EDIL3: variants seen among roughly 807,000 people sequenced by gnomAD.
EDIL3 encodes EGF like and discoidin domains 3, also known as EGF-like repeat and discoidin I-like domain-containing protein 3.
A neutral mutation model predicts 67.4 loss-of-function variants in EDIL3; 37 were observed. That is an observed-to-expected ratio of 0.55 (90% CI 0.42 to 0.72). The LOEUF is 0.72. Among genes scored for constraint, EDIL3 ranks in the 30% least tolerant of loss-of-function variants. The probability of loss-of-function intolerance (pLI) is 0.00; values close to 1 mark genes in which losing one functional copy is unlikely to be tolerated. For missense variants in EDIL3, 527 were observed against 586.3 expected (o/e 0.90, Z 1.04); for synonymous variants, 195 against 196.3 (o/e 0.99, Z 0.05).
chr5:83,965,153 C>T (rs1744668447), intron 9 of EDIL3, among the ~76,000 whole-genome samples: 1 of 152,026 alleles, frequency 6.6e-6, no homozygotes, highest in South Asian at 2.1e-4. Flanking sequence ...AAGTGATTAC[C>T]ATTGATCATT....
chr5:84,295,197 G>A (rs1746021993), intron 1 of EDIL3, among the ~76,000 whole-genome samples: 1 of 151,934 alleles, frequency 6.6e-6, no homozygotes, highest in South Asian at 2.1e-4. Context: ...AAATATTTTT[G>A]ATTACATAAC....
At chr5:84,304,514 A>G (rs1018648937) in intron 1 of EDIL3, among the ~76,000 whole-genome samples, 1 of 152,192 alleles carries the variant, frequency 6.6e-6, no homozygotes, top group Non-Finnish European at 1.5e-5. Context: ...CTCTTGCTTT[A>G]ATGAAGTTGA....
rs767877141 is a variant in EDIL3, at chr5:84,146,599, G to A, written c.356-9245C>T. Among the ~76,000 whole-genome samples the A allele has an allele frequency of 7.2e-5, 11 of 152,058 alleles. 1 individual carries two copies. In the South Asian group the frequency reaches 1.0e-3, roughly 14 times the overall value. On this transcript the variant is annotated intron_variant, in intron 4 of 10. Transcript: ENST00000296591. Reference sequence around the variant, plus strand: ...ACACTTTTCCCCAATCCCTTTATTCGTCTTAGTAATTTCCTCAAAATCCTA... The same window carrying A: ...ACACTTTTCCCCAATCCCTTTATTCATCTTAGTAATTTCCTCAAAATCCTA...
chr5:84,151,908 CTT>C (rs201636890), intron 4 of EDIL3, among the ~76,000 whole-genome samples: 20 of 141,748 alleles, frequency 1.4e-4, no homozygotes, highest in African/African-American at 4.6e-4. Context: ...TTTGCTGCTT[CTT>C]TTTTTTTTTT....
chr5:84,274,738 C>T (rs1000095287), intron 1 of EDIL3, among the ~76,000 whole-genome samples: 2 of 151,152 alleles, frequency 1.3e-5, no homozygotes, highest in Non-Finnish European at 2.9e-5. Context: ...GATAACTACA[C>T]ACATACACAC....
rs561648523 is a variant in EDIL3 at position 84,235,199 on chromosome 5, G to T, written c.197-5315C>A. ...CTGGGATATGACTTTGTACTTAAAG[G>T]TTGCTATTACTAACTTCTTCCCTGT... is the stretch of plus-strand genomic sequence containing the variant. On this transcript the variant is annotated intron_variant, in intron 2 of 10. Transcript: ENST00000296591. 2.0e-5 allele frequency among the ~76,000 whole-genome samples: 3 copies of T among 152,196 alleles called. No individual in the cohort carries two copies. In the South Asian group the frequency reaches 6.2e-4, roughly 32 times the overall value.
In EDIL3 at chr5:84,311,371, C is replaced by G. The variant is rs866646387; in HGVS notation, c.68-57159G>C. 2.8e-4 allele frequency among the ~76,000 whole-genome samples: 28 copies of G among 101,190 alleles called. No homozygotes were observed. The Middle Eastern group carries it at 0.027, about 99-fold the overall frequency. 66.4% of individuals were successfully genotyped at this position (101,190 alleles called of 152,430 possible). A position where few individuals can be genotyped will look rare whatever the true frequency, so the allele number is the denominator to read the frequency against. On this transcript the variant is annotated intron_variant, in intron 1 of 10. Transcript: ENST00000296591. ...AGTATGATTTATTTTATATAATGTT[C>G]AAAAGCTTGCAAAAACAGCATATTG...
At chr5:84,069,388 A>T (rs1746695600) in intron 6 of EDIL3, among the ~76,000 whole-genome samples, 1 of 152,048 alleles carries the variant, frequency 6.6e-6, no homozygotes, top group South Asian at 2.1e-4. Context: ...GTCACTTCCG[A>T]CCTATATAAT....
chr5:84,120,232 TG>T (rs1426246056), intron 5 of EDIL3, among the ~76,000 whole-genome samples: 1 of 152,018 alleles, frequency 6.6e-6, no homozygotes. Flanking sequence ...CTGGCTTTTT[TG>T]TTCTATATAT....
At chr5:84,029,802 T>C (rs561662774) in intron 9 of EDIL3, among the ~76,000 whole-genome samples, 2 of 152,194 alleles carry the variant, frequency 1.3e-5, no homozygotes, top group Non-Finnish European at 2.9e-5. Flanking sequence ...AGAACATTTA[T>C]GGAGCATTGT....
chr5:84,133,464 CAAAAAAA>C (rs5869210), intron 5 of EDIL3, among the ~76,000 whole-genome samples: 3 of 86,536 alleles, frequency 3.5e-5, no homozygotes, highest in Admixed American at 1.5e-4. Flanking sequence ...ACTAAAAATA[CAAAAAAA>C]AAAAAAAAAA....
At chr5:84,109,162 G>T (rs867955727) in intron 5 of EDIL3, among the ~76,000 whole-genome samples, 1 of 152,112 alleles carries the variant, frequency 6.6e-6, no homozygotes, top group African/African-American at 2.4e-5. Flanking sequence ...CTGCCATAAG[G>T]TTCCAAATCT....
At chr5:84,081,627 T>C (rs1230082942) in intron 6 of EDIL3, among the ~76,000 whole-genome samples, 1 of 152,192 alleles carries the variant, frequency 6.6e-6, no homozygotes, top group East Asian at 1.9e-4. Context: ...GAATGCTGTG[T>C]GCGAGGCTTG....
At chr5:84,272,112 G>A (rs1018111597) in intron 1 of EDIL3, among the ~76,000 whole-genome samples, 1 of 152,014 alleles carries the variant, frequency 6.6e-6, no homozygotes, top group Admixed American at 6.6e-5. Flanking sequence ...GCCTTCATCG[G>A]CTTTCTTGTA....
At chr5:83,992,463 C>G (rs1401248691) in intron 9 of EDIL3, among the ~76,000 whole-genome samples, 1 of 152,080 alleles carries the variant, frequency 6.6e-6, no homozygotes, top group African/African-American at 2.4e-5. Flanking sequence ...ACAATTACGT[C>G]AATGAATGGT....
chr5:83,950,474 C>A (rs2112116373), intron 10 of EDIL3, among the ~76,000 whole-genome samples: 2 of 151,974 alleles, frequency 1.3e-5, no homozygotes, highest in East Asian at 3.9e-4. Flanking sequence ...ACTTCCCCAA[C>A]ATCATGCGCC....
At chr5:84,134,789 C>T (rs394857) in intron 5 of EDIL3, among the ~76,000 whole-genome samples, 46,598 of 151,964 alleles carry the variant, frequency 0.31, 7,721 homozygotes, top group Non-Finnish European at 0.37. Flanking sequence ...CTAGGTGACT[C>T]TTTCTGATCT....
intron 3 of EDIL3, among the ~76,000 whole-genome samples, chr5:84,224,298 C>T (rs1333255319): frequency 6.6e-6 from 1 of 151,388 alleles, no homozygotes; most frequent in African/African-American, 2.4e-5. Flanking sequence ...ATGAATATTT[C>T]TAAATATCTA....
intron 1 of EDIL3, among the ~76,000 whole-genome samples, chr5:84,339,141 C>G (rs958366559): frequency 6.6e-6 from 1 of 152,028 alleles, no homozygotes; most frequent in African/African-American, 2.4e-5. Flanking sequence ...GACTCTTGAG[C>G]CATGCTGTCT....
Sources: gnomAD v4.1 joint callset for allele counts (sites outside exome capture counted in the v4.1 genomes callset) on GRCh38, gnomAD v4.1.1 for gene constraint, MANE v1.5 for transcripts, NCBI Gene and HGNC (gene_info 2026-07-23, HGNC 2026-07-21) for gene names.